Variants in CFAP54 observed in about 807,000 individuals in gnomAD.
CFAP54 encodes the protein cilia and flagella associated protein 54.
Under a neutral mutation model 370.4 loss-of-function variants are expected in CFAP54, and 290 were observed. That is an observed-to-expected ratio of 0.78 (90% confidence interval 0.71 to 0.86). The LOEUF is 0.86. CFAP54 is among the 40% of genes least tolerant of loss of function. The pLI, the probability that CFAP54 is intolerant of heterozygous loss-of-function variation, is 0.00. For synonymous variants in CFAP54, 1,206 were observed against 1,236.5 expected (o/e 0.98, Z 0.52); for missense variants, 3,399 against 3,528.7 (o/e 0.96, Z 0.93).
intron 63 of CFAP54, among the ~76,000 whole-genome samples, chr12:96,796,360 A>C (rs1171043916): frequency 6.6e-6 from 1 of 152,236 alleles, no homozygotes; most frequent in Non-Finnish European, 1.5e-5. Context: ...TTTTGCTAGA[A>C]TCATAAAATG....
At chr12:96,580,863 A>G (rs1956026433) in intron 21 of CFAP54, 57 bp from the exon 22 acceptor site, 4 of 1,273,444 alleles carry the variant, frequency 3.1e-6, no homozygotes, top group East Asian at 5.4e-5. Flanking sequence ...ATTGTATTTT[A>G]AAAGTCATGT....
chr12:96,698,914 G>A (rs1957463122), intron 45 of CFAP54, among the ~76,000 whole-genome samples: 1 of 152,166 alleles, frequency 6.6e-6, no homozygotes, highest in Admixed American at 6.5e-5. Context: ...AGCGGCTCAA[G>A]GGTCTGGATA....
intron 12 of CFAP54, 126 bp downstream of exon 12, chr12:96,535,726 CA>C: frequency 1.8e-6 from 1 of 555,488 alleles, no homozygotes; most frequent in Non-Finnish European, 3.1e-6. Context: ...TAATCATTAG[CA>C]TATAGGATTA....
In CFAP54 at chr12:96,792,484, G is replaced by A; in HGVS notation, c.8835G>A (p.Lys2945=). The A allele has an allele frequency of 2.0e-6, 3 of 1,534,848 alleles. No individual in the cohort carries two copies. The highest frequency in any genetic ancestry group is 2.6e-6 in the Non-Finnish European group (3 of 1,146,168). Residue 2945 remains lysine, a synonymous_variant, in exon 63 of 68, where the codon AAG becomes AAA. Coordinates refer to ENST00000524981, the MANE Select transcript of CFAP54 (RefSeq NM_001306084.2). ...WYIPPLDRPP[K]ETEPMVLLLY... is the part of the protein sequence containing the mutation. ...TTCCTCCCCTGGATAGACCTCCCAA[G>A]GAGACAGAACCTATGGTATGTAATG...
intron 50 of CFAP54, among the ~76,000 whole-genome samples, chr12:96,731,241 C>T (rs536138048): frequency 8.9e-4 from 135 of 152,226 alleles, no homozygotes; most frequent in Non-Finnish European, 1.3e-3. Context: ...ATGCCCCTGG[C>T]GAGGCAGTAA....
chr12:96,598,106 C>CTAAAT (rs2308232), intron 25 of CFAP54, among the ~76,000 whole-genome samples: 1 of 151,290 alleles, frequency 6.6e-6, no homozygotes, highest in Non-Finnish European at 1.5e-5. Context: ...CTTTGAAAAG[C>CTAAAT]TATTCGTCTA....
intron 65 of CFAP54, among the ~76,000 whole-genome samples, chr12:96,825,806 T>G (rs1344692543): frequency 1.5e-5 from 2 of 130,302 alleles, no homozygotes; most frequent in Non-Finnish European, 3.1e-5. Flanking sequence ...TATTACATAT[T>G]ATAATATATA....
At chr12:96,722,265 C>T (rs567528244) in intron 50 of CFAP54, among the ~76,000 whole-genome samples, 2 of 152,336 alleles carry the variant, frequency 1.3e-5, no homozygotes, top group African/African-American at 2.4e-5. Context: ...ATTTCATACC[C>T]TCTTGACGTG....
At chr12:96,587,092 G>A (rs531301302) in intron 22 of CFAP54, among the ~76,000 whole-genome samples, 70 of 152,298 alleles carry the variant, frequency 4.6e-4, no homozygotes, top group African/African-American at 1.5e-3. Flanking sequence ...GTGGAAGGCT[G>A]TGGGTGGTGG....
At chr12:96,826,847 TATATA>T (rs886690508) in intron 65 of CFAP54, among the ~76,000 whole-genome samples, 4 of 115,104 alleles carry the variant, frequency 3.5e-5, no homozygotes, top group Non-Finnish European at 6.6e-5. Flanking sequence ...CATATAATAT[TATATA>T]ATATATTATA....
intron 64 of CFAP54, among the ~76,000 whole-genome samples, chr12:96,812,790 A>G (rs1157945884): frequency 6.6e-6 from 1 of 152,188 alleles, no homozygotes; most frequent in Non-Finnish European, 1.5e-5. Context: ...CATCACCATG[A>G]AAGAGACAAA....
chr12:96,637,349 G>T (rs1287224104), intron 32 of CFAP54, among the ~76,000 whole-genome samples: 1 of 152,120 alleles, frequency 6.6e-6, no homozygotes, highest in African/African-American at 2.4e-5. Flanking sequence ...AAATAATACT[G>T]CTGTGAACAT....
intron 5 of CFAP54, among the ~76,000 whole-genome samples, chr12:96,517,041 A>G (rs541393181): frequency 6.6e-6 from 1 of 150,702 alleles, no homozygotes; most frequent in African/African-American, 2.4e-5. Flanking sequence ...GTCCTGATGT[A>G]TCCTATTAAA....
chr12:96,672,990 G>A (rs1282814605), intron 39 of CFAP54, among the ~76,000 whole-genome samples: 1 of 152,166 alleles, frequency 6.6e-6, no homozygotes, highest in Non-Finnish European at 1.5e-5. Flanking sequence ...GTGGCAGTGG[G>A]ACAGAAGGGA....
chr12:96,723,035 T>C (rs1333405106), intron 50 of CFAP54, among the ~76,000 whole-genome samples: 1 of 152,186 alleles, frequency 6.6e-6, no homozygotes, highest in Non-Finnish European at 1.5e-5. Context: ...TAGACAGTGT[T>C]ATTCAAATCT....
Position 96,610,973 on chromosome 12 carries a change from C to T in CFAP54, c.3640-10617C>T, listed in dbSNP as rs534300605. On this transcript the variant is annotated intron_variant, in intron 26 of 67. Transcript: ENST00000524981. ...TCCACCTGTGGGGGCAGGGCACAGT[C>T]GAACAAAAGGCAGCAGAAACCTCTG... Among the ~76,000 whole-genome samples the T allele has an allele frequency of 2.6e-5, 4 of 152,306 alleles. No individual in the cohort carries two copies. In the East Asian group the frequency reaches 7.7e-4, roughly 29 times the overall value.
chr12:96,736,761 C>T (rs1421396090), intron 50 of CFAP54, among the ~76,000 whole-genome samples: 1 of 152,100 alleles, frequency 6.6e-6, no homozygotes, highest in African/African-American at 2.4e-5. Context: ...CCAAGAGGCC[C>T]ATTGATATTG....
intron 14 of CFAP54, among the ~76,000 whole-genome samples, chr12:96,542,388 C>G (rs1157006998): frequency 6.6e-6 from 1 of 152,186 alleles, no homozygotes; most frequent in Non-Finnish European, 1.5e-5. Context: ...AGCTAAAAGT[C>G]TCTGGCCATC....
chr12:96,827,704 TTA>T (rs1342142585), intron 65 of CFAP54, among the ~76,000 whole-genome samples: 1 of 125,468 alleles, frequency 8.0e-6, no homozygotes, highest in African/African-American at 3.0e-5. Context: ...ATATATTATA[TTA>T]TATATAATTA....
Sources: allele counts gnomAD v4.1 joint callset (sites outside exome capture counted in the v4.1 genomes callset), GRCh38; gene constraint gnomAD v4.1.1; transcripts MANE v1.5; gene names NCBI Gene and HGNC (gene_info 2026-07-23, HGNC 2026-07-21).